The following CEP83 variants were observed in gnomAD, a reference collection of about 807,000 sequenced individuals.
CEP83 encodes the protein centrosomal protein 83, also known as centrosomal protein of 83 kDa.
A neutral mutation model predicts 101.9 loss-of-function variants in CEP83; 70 were observed. That is an observed-to-expected ratio of 0.69 (90% CI 0.57 to 0.84). The LOEUF (loss-of-function observed/expected upper bound fraction) is 0.84. CEP83 is among the 40% of genes least tolerant of loss of function. The probability of loss-of-function intolerance (pLI) is 0.00; values close to 1 mark genes in which losing one functional copy is unlikely to be tolerated. For synonymous variants in CEP83, 264 were observed against 267.9 expected (o/e 0.99, Z 0.14); for missense variants, 715 against 787.2 (o/e 0.91, Z 1.10).
intron 2 of CEP83, among the ~76,000 whole-genome samples, chr12:94,426,730 A>G (rs2065229311): frequency 6.6e-6 from 1 of 152,180 alleles, no homozygotes; most frequent in Non-Finnish European, 1.5e-5. Flanking sequence ...CTTATGCTGG[A>G]TTATGTATCC....
At chr12:94,287,151 AGAG>A in the CEP83 span, among the ~76,000 whole-genome samples, 43 of 152,246 alleles carry the variant, frequency 2.8e-4, no homozygotes, top group Non-Finnish European at 5.4e-4. Flanking sequence ...TGATGAACAC[AGAG>A]GAGGGTGCAT....
chr12:94,444,121 G>A (rs569302860), intron 1 of CEP83, among the ~76,000 whole-genome samples: 51 of 152,252 alleles, frequency 3.3e-4, no homozygotes, highest in South Asian at 1.9e-3. Flanking sequence ...ACCTCAGGCC[G>A]GGCGTGGTGG....
the CEP83 span, chr12:94,301,082 T>A: frequency 6.2e-7 from 1 of 1,610,064 alleles, no homozygotes; most frequent in Non-Finnish European, 8.5e-7. Flanking sequence ...GAGTATTTCT[T>A]GTATGCAGTC....
At chr12:94,352,115 T>C (rs761405255) in intron 11 of CEP83, among the ~76,000 whole-genome samples, 61 of 152,008 alleles carry the variant, frequency 4.0e-4, no homozygotes, top group Admixed American at 1.3e-4. Flanking sequence ...ACCCATAACA[T>C]AGGGACACAA....
At chr12:94,301,049 C>CA in the CEP83 span, 1 of 1,613,644 alleles carries the variant, frequency 6.2e-7, no homozygotes, top group Non-Finnish European at 8.5e-7. Flanking sequence ...AGAGCAGCAA[C>CA]TAGGGAAGGT....
intron 1 of CEP83, among the ~76,000 whole-genome samples, chr12:94,437,013 A>C (rs1474074218): frequency 6.6e-6 from 1 of 152,068 alleles, no homozygotes; most frequent in Non-Finnish European, 1.5e-5. Flanking sequence ...TAATTGAGGA[A>C]AACTTCCCCG....
intron 7 of CEP83, among the ~76,000 whole-genome samples, chr12:94,376,315 A>G (rs540420248): frequency 8.0e-4 from 122 of 152,304 alleles, no homozygotes; most frequent in African/African-American, 2.8e-3. Context: ...TTTGATGTCT[A>G]TTTACTCTTA....
chr12:94,382,971 C>T (rs963477159), intron 6 of CEP83, among the ~76,000 whole-genome samples: 3 of 151,916 alleles, frequency 2.0e-5, no homozygotes, highest in Non-Finnish European at 2.9e-5. Context: ...ATGAAGTCAC[C>T]AACTATAATT....
At chr12:94,312,436 A>T in intron 15 of CEP83, 1 of 269,048 alleles carries the variant, frequency 3.7e-6, no homozygotes, top group Non-Finnish European at 5.7e-6. Flanking sequence ...ATATAATGCC[A>T]CTACCAACAA....
At chr12:94,424,711 C>T in intron 2 of CEP83, 1 of 1,609,406 alleles carries the variant, frequency 6.2e-7, no homozygotes, top group Non-Finnish European at 8.5e-7. Context: ...CCAGTACGGC[C>T]TTAGTGGAAA....
At chr12:94,424,104 A>C in intron 2 of CEP83, 3 of 1,607,032 alleles carry the variant, frequency 1.9e-6, no homozygotes, top group Non-Finnish European at 2.6e-6. Context: ...CTCTGATACG[A>C]AGACACAGGA....
At position 94,307,932 on chromosome 12, in the gene CEP83, CTT is replaced by C. The variant is rs940876401; in HGVS notation, c.*879_*880del. On this transcript the variant is annotated 3_prime_UTR_variant, in exon 17 of 17. Transcript: ENST00000397809. ...TGAACATTCCACTTAATTTGGGAGA[CTT>C]GAGCTTTAGCCTCGTTAACATGAAA... 2 of 152,070 alleles carry C rather than the reference CTT, an allele frequency of 1.3e-5. No homozygotes were observed. The highest frequency in any genetic ancestry group is 1.3e-4 in the Admixed American group (2 of 15,260). 9.4% of individuals were successfully genotyped at this position (152,070 alleles called of 1,614,324 possible).
the CEP83 span, among the ~76,000 whole-genome samples, chr12:94,296,992 C>G: frequency 3.7e-4 from 57 of 152,328 alleles, no homozygotes; most frequent in African/African-American, 1.3e-3. Context: ...TCCAATCCCT[C>G]ACCCGTCCCA....
In CEP83 at chr12:94,345,905, G is replaced by A. The variant is rs143576481; in HGVS notation, c.1344-10241C>T. 1.7e-3 allele frequency among the ~76,000 whole-genome samples: 255 copies of A among 152,272 alleles called. 1 individual carries two copies. The highest frequency in any genetic ancestry group is 5.7e-3 in the African/African-American group (236 of 41,552). ...AAAAGACTCAAGAGGACAGGGTACC[G>A]CAAGCCTCCAGACAGCTGAACTCAT... On this transcript the variant is annotated intron_variant, in intron 11 of 16. Transcript: ENST00000397809.
At chr12:94,292,821 G>A in the CEP83 span, among the ~76,000 whole-genome samples, 2 of 152,290 alleles carry the variant, frequency 1.3e-5, no homozygotes, top group Non-Finnish European at 2.9e-5. Flanking sequence ...CACCCACAAC[G>A]TTTCAGATTT....
At chr12:94,315,102 C>G (rs1471568765) in intron 14 of CEP83, among the ~76,000 whole-genome samples, 1 of 152,164 alleles carries the variant, frequency 6.6e-6, no homozygotes, top group Non-Finnish European at 1.5e-5. Context: ...TCATTCTCTT[C>G]AGTATATACC....
At position 94,412,430 on chromosome 12, in the gene CEP83, C is replaced by T. The variant is rs1003708280; in HGVS notation, c.61G>A (p.Asp21Asn). ...TFPNNFPPGG[D>N]SGLTGSQSEF... is the part of the protein sequence containing the mutation. ...GACTGAGAACCTGTCAATCCACTGT[C>T]TCCACCAGGAGGAAAATTATTGGGA... Residue 21 changes from aspartate to asparagine, a missense_variant, in exon 3 of 17, where the codon GAC (aspartate) becomes AAC (asparagine). Transcript: ENST00000397809. The T allele has an allele frequency of 2.5e-6, 4 of 1,612,662 alleles. No individual in the cohort carries two copies. In the Admixed American group the frequency reaches 5.0e-5, roughly 20 times the overall value.
At chr12:94,453,854 T>C (rs2067437201) in intron 1 of CEP83, among the ~76,000 whole-genome samples, 1 of 152,144 alleles carries the variant, frequency 6.6e-6, no homozygotes, top group Admixed American at 6.5e-5. Flanking sequence ...ATCCCAGCAC[T>C]TTGGGAGGCC....
At chr12:94,355,391 G>C (rs960292951) in intron 11 of CEP83, among the ~76,000 whole-genome samples, 1 of 152,106 alleles carries the variant, frequency 6.6e-6, no homozygotes, top group African/African-American at 2.4e-5. Context: ...TACTCAGGAG[G>C]CTGAGGCGGG....
Sources: gnomAD v4.1 joint callset for allele counts (sites outside exome capture counted in the v4.1 genomes callset) on GRCh38, gnomAD v4.1.1 for gene constraint, MANE v1.5 for transcripts, NCBI Gene and HGNC (gene_info 2026-07-23, HGNC 2026-07-21) for gene names.